Variants in SUGCT observed in about 807,000 individuals in gnomAD.
SUGCT encodes succinyl-CoA:glutarate CoA-transferase.
A neutral mutation model predicts 55.0 loss-of-function variants in SUGCT; 41 were observed. That is an observed-to-expected ratio of 0.74 (90% CI 0.58 to 0.97). SUGCT has a LOEUF of 0.97. Among genes scored for constraint, SUGCT ranks in the 50% least tolerant of loss-of-function variants. SUGCT has a pLI of 0.00. For missense variants in SUGCT, 568 were observed against 547.8 expected (o/e 1.04, Z -0.37); for synonymous variants, 187 against 200.4 (o/e 0.93, Z 0.56).
chr7:40,704,986 G>A (rs890631002), intron 12 of SUGCT, among the ~76,000 whole-genome samples: 3 of 152,104 alleles, frequency 2.0e-5, no homozygotes, highest in Non-Finnish European at 2.9e-5. Flanking sequence ...CTCCTCATTT[G>A]TCAGATATGC....
At chr7:40,557,881 A>G (rs1442664597) in intron 12 of SUGCT, among the ~76,000 whole-genome samples, 1 of 152,168 alleles carries the variant, frequency 6.6e-6, no homozygotes, top group Non-Finnish European at 1.5e-5. Context: ...ATTAAGAATC[A>G]GAATATTTAA....
At chr7:40,694,355 C>T (rs1784829972) in intron 12 of SUGCT, among the ~76,000 whole-genome samples, 1 of 152,202 alleles carries the variant, frequency 6.6e-6, no homozygotes, top group South Asian at 2.1e-4. Context: ...AGGAGAGGAA[C>T]TTCTCCAGCT....
At chr7:40,311,089 A>T (rs1462216000) in intron 8 of SUGCT, among the ~76,000 whole-genome samples, 1 of 152,144 alleles carries the variant, frequency 6.6e-6, no homozygotes, top group Non-Finnish European at 1.5e-5. Flanking sequence ...TTTTCTGTTA[A>T]GGCTGTCATA....
At chr7:40,491,772 C>T (rs1459650136) in intron 11 of SUGCT, among the ~76,000 whole-genome samples, 1 of 152,036 alleles carries the variant, frequency 6.6e-6, no homozygotes, top group East Asian at 1.9e-4. Context: ...AGGAGGATCA[C>T]CTGAGGTCAG....
intron 1 of SUGCT, among the ~76,000 whole-genome samples, chr7:40,158,208 AAAAAAATGTGATATTTTCATTTCCAATT>A (rs1783988319): frequency 2.0e-5 from 3 of 152,244 alleles, no homozygotes; most frequent in Admixed American, 6.5e-5. Flanking sequence ...TATCCAAAAA[AAAAAAATGTGATATTTTCATTTCCAATT>A]ATGCAAGGTA....
intron 13 of SUGCT, among the ~76,000 whole-genome samples, chr7:40,781,905 CT>C (rs1232929493): frequency 6.6e-6 from 1 of 152,000 alleles, no homozygotes; most frequent in East Asian, 1.9e-4. Flanking sequence ...AATATTCAAG[CT>C]TTTGCATAAT....
At chr7:40,795,401 T>A (rs1297962061) in intron 13 of SUGCT, among the ~76,000 whole-genome samples, 1 of 152,212 alleles carries the variant, frequency 6.6e-6, no homozygotes, top group African/African-American at 2.4e-5. Flanking sequence ...AAAGCCCATC[T>A]TCTTTCACCA....
intron 4 of SUGCT, 146 bp from the exon 5 acceptor site, chr7:40,189,396 TAC>T (rs1322129806): frequency 1.7e-3 from 335 of 199,430 alleles, no homozygotes; most frequent in African/African-American, 0.011. Context: ...TTAATACACA[TAC>T]TTTTTTTTTT....
chr7:40,650,465 T>A (rs995482463), intron 12 of SUGCT, among the ~76,000 whole-genome samples: 4 of 152,268 alleles, frequency 2.6e-5, no homozygotes, highest in Admixed American at 2.6e-4. Flanking sequence ...TTTAGAGGAA[T>A]CCAACACTAA....
chr7:40,365,990 A>G (rs1332268601), intron 9 of SUGCT, among the ~76,000 whole-genome samples: 1 of 152,242 alleles, frequency 6.6e-6, no homozygotes, highest in African/African-American at 2.4e-5. Context: ...AGCTGGAGGC[A>G]TCACGCTACC....
At chr7:40,921,452 G>A in the SUGCT span, among the ~76,000 whole-genome samples, 127 of 152,252 alleles carry the variant, frequency 8.3e-4, no homozygotes, top group African/African-American at 3.0e-3. Context: ...GAGGCTGGGG[G>A]CCATGTGCAC....
chr7:40,365,349 G>A (rs1338885872), intron 9 of SUGCT, among the ~76,000 whole-genome samples: 2 of 151,808 alleles, frequency 1.3e-5, no homozygotes, highest in African/African-American at 4.8e-5. Context: ...TTGAAAACTG[G>A]CACAAGACAG....
intron 9 of SUGCT, among the ~76,000 whole-genome samples, chr7:40,438,331 G>A (rs1278651087): frequency 1.3e-5 from 2 of 152,046 alleles, no homozygotes; most frequent in African/African-American, 4.8e-5. Context: ...CTCTCCTTTT[G>A]TGTCTCCTAG....
intron 13 of SUGCT, among the ~76,000 whole-genome samples, chr7:40,833,778 C>T (rs1792819076): frequency 6.8e-6 from 1 of 146,930 alleles, no homozygotes; most frequent in Non-Finnish European, 1.5e-5. Context: ...GTGAAGGCAG[C>T]ATTTAGAACA....
intron 11 of SUGCT, among the ~76,000 whole-genome samples, chr7:40,491,411 G>T (rs1297455666): frequency 6.6e-6 from 1 of 152,166 alleles, no homozygotes; most frequent in African/African-American, 2.4e-5. Flanking sequence ...TCCAGGTTTA[G>T]CCAAGGGTGT....
At chr7:40,749,785 A>C (rs1009506916) in intron 13 of SUGCT, among the ~76,000 whole-genome samples, 1 of 152,230 alleles carries the variant, frequency 6.6e-6, no homozygotes, top group Non-Finnish European at 1.5e-5. Context: ...TACATCATGT[A>C]ATTATCAACA....
At chr7:40,258,849 A>T (rs1791017847) in intron 7 of SUGCT, among the ~76,000 whole-genome samples, 1 of 152,204 alleles carries the variant, frequency 6.6e-6, no homozygotes, top group Non-Finnish European at 1.5e-5. Flanking sequence ...CTCAAGCGAA[A>T]TGAAATCAGT....
At chr7:40,940,471 A>G in the SUGCT span, among the ~76,000 whole-genome samples, 13 of 152,244 alleles carry the variant, frequency 8.5e-5, no homozygotes, top group Admixed American at 8.5e-4. Flanking sequence ...TGCTTTGGTC[A>G]GTATGGTTAT....
At chr7:40,902,918 A>C in the SUGCT span, among the ~76,000 whole-genome samples, 1 of 152,208 alleles carries the variant, frequency 6.6e-6, no homozygotes, top group Non-Finnish European at 1.5e-5. Flanking sequence ...TAGGCAATGA[A>C]TTTAATCCTC....
Sources: gnomAD v4.1 joint callset for allele counts (sites outside exome capture counted in the v4.1 genomes callset) on GRCh38, gnomAD v4.1.1 for gene constraint, MANE v1.5 for transcripts, NCBI Gene and HGNC (gene_info 2026-07-23, HGNC 2026-07-21) for gene names.